Variants in IQCM observed in about 807,000 individuals in gnomAD.
IQCM encodes IQ domain-containing protein M.
A neutral mutation model predicts 57.6 loss-of-function variants in IQCM; 45 were observed. The observed-to-expected ratio is 0.78, with a 90% CI of 0.62 to 1.00. The LOEUF is 1.00. IQCM is among the 50% of genes least tolerant of loss of function. The pLI is 0.00. For missense variants in IQCM, 468 were observed against 511.6 expected (o/e 0.91, Z 0.82); for synonymous variants, 148 against 158.9 (o/e 0.93, Z 0.51).
chr4:149,607,603 T>G (rs1191165096), intron 8 of IQCM, among the ~76,000 whole-genome samples: 1 of 151,886 alleles, frequency 6.6e-6, no homozygotes, highest in Non-Finnish European at 1.5e-5. Flanking sequence ...ATATAAAAGA[T>G]AAATAGAGAT....
At chr4:149,368,015 A>G (rs926597968) in intron 13 of IQCM, among the ~76,000 whole-genome samples, 2 of 152,014 alleles carry the variant, frequency 1.3e-5, no homozygotes, top group Non-Finnish European at 2.9e-5. Flanking sequence ...TAAGTAGCTC[A>G]TTGTATCAAA....
intron 8 of IQCM, among the ~76,000 whole-genome samples, chr4:149,589,667 A>G (rs1395434108): frequency 6.6e-6 from 1 of 151,978 alleles, no homozygotes; most frequent in East Asian, 1.9e-4. Flanking sequence ...GAACACAACA[A>G]TAACCCGGAA....
intron 10 of IQCM, 75 bp downstream of exon 10, chr4:149,563,617 G>A (rs372215325): frequency 1.9e-5 from 19 of 981,908 alleles, no homozygotes; most frequent in East Asian, 3.3e-5. Context: ...TTGACCAGAT[G>A]ACTATTCAAA....
At chr4:149,671,029 T>G (rs1452464357) in intron 7 of IQCM, among the ~76,000 whole-genome samples, 1 of 152,082 alleles carries the variant, frequency 6.6e-6, no homozygotes, top group Non-Finnish European at 1.5e-5. Flanking sequence ...TTCCCTCTTT[T>G]TCTGTCGATT....
At position 149,660,248 on chromosome 4, in the gene IQCM, C is replaced by T. The variant is rs1295707992; in HGVS notation, c.565+21870G>A. On this transcript the variant is annotated intron_variant, in intron 7 of 13. Transcript: ENST00000636793. ...ATGAAAAAATGCTCACCATCACTGG[C>T]CATCAGAGAAATGCAAATCAAAACC... Among the ~76,000 whole-genome samples the T allele has an allele frequency of 4.0e-5, 6 of 151,818 alleles. No homozygotes were observed. The East Asian group carries it at 9.7e-4, about 24-fold the overall frequency.
intron 12 of IQCM, among the ~76,000 whole-genome samples, chr4:149,438,369 G>C (rs1483971013): frequency 2.0e-5 from 3 of 151,922 alleles, no homozygotes; most frequent in Non-Finnish European, 4.4e-5. Context: ...TCATTAAATT[G>C]CTAATGCATC....
chr4:149,439,510 T>G (rs1735694925), intron 12 of IQCM, among the ~76,000 whole-genome samples: 1 of 152,046 alleles, frequency 6.6e-6, no homozygotes, highest in African/African-American at 2.4e-5. Context: ...CCAATAGAAT[T>G]ATAAGGATTC....
At chr4:149,409,157 T>A (rs1733193761) in intron 13 of IQCM, among the ~76,000 whole-genome samples, 1 of 152,114 alleles carries the variant, frequency 6.6e-6, no homozygotes, top group African/African-American at 2.4e-5. Flanking sequence ...AATGATCCAG[T>A]GAGTGAGAAG....
chr4:149,393,579 A>C (rs921328335), intron 13 of IQCM, among the ~76,000 whole-genome samples: 1 of 152,004 alleles, frequency 6.6e-6, no homozygotes, highest in Non-Finnish European at 1.5e-5. Flanking sequence ...ATGGATACAC[A>C]TCTAAACACT....
chr4:149,564,202 A>G lies in IQCM; in HGVS notation c.750-312T>C, dbSNP rs78625319. On this transcript the variant is annotated intron_variant, in intron 9 of 13. Transcript: ENST00000636793. ...CATATGACACGGCAGTTTAGTTCAA[A>G]TAATTTTCCTGTCCCAGAAGCTATT... Among the ~76,000 whole-genome samples, 612 of 152,310 alleles carry G rather than the reference A, an allele frequency of 4.0e-3. 2 individuals carry two copies. The highest frequency in any genetic ancestry group is 0.014 in the African/African-American group (586 of 41,556).
rs1015721394 is a variant in IQCM, at chr4:149,673,509, A to G, written c.565+8609T>C. Among the ~76,000 whole-genome samples the G allele has an allele frequency of 4.6e-5, 7 of 152,284 alleles. No homozygotes were observed. In the East Asian group the frequency reaches 1.2e-3, roughly 25 times the overall value. The stretch of plus-strand genomic sequence containing the variant: ...TAAAACAGACTTTAAACCAACAAAA[A>G]TCAAAAGAGACAAAGAAGGCCATTA... On this transcript the variant is annotated intron_variant, in intron 7 of 13. Transcript: ENST00000636793.
At chr4:149,592,139 C>T (rs556068944) in intron 8 of IQCM, among the ~76,000 whole-genome samples, 3 of 152,088 alleles carry the variant, frequency 2.0e-5, no homozygotes, top group East Asian at 3.9e-4. Context: ...ATTTTAATGA[C>T]CGCCATTCTA....
At chr4:149,769,230 C>T (rs549748464) in intron 2 of IQCM, among the ~76,000 whole-genome samples, 1 of 151,878 alleles carries the variant, frequency 6.6e-6, no homozygotes, top group Non-Finnish European at 1.5e-5. Context: ...TCTTCCATAC[C>T]CATGAATTCA....
At chr4:149,712,709 G>A (rs1764664380) in intron 5 of IQCM, among the ~76,000 whole-genome samples, 1 of 152,084 alleles carries the variant, frequency 6.6e-6, no homozygotes, top group South Asian at 2.1e-4. Flanking sequence ...TGTTTTTCAG[G>A]AGTACTTAAT....
intron 7 of IQCM, among the ~76,000 whole-genome samples, chr4:149,641,443 ACTTT>A (rs1381521744): frequency 6.6e-6 from 1 of 152,202 alleles, no homozygotes; most frequent in Non-Finnish European, 1.5e-5. Flanking sequence ...GAAGAAAAAC[ACTTT>A]CATTCATATA....
chr4:149,699,886 C>T (rs138026091), intron 5 of IQCM, among the ~76,000 whole-genome samples: 1 of 151,994 alleles, frequency 6.6e-6, no homozygotes, highest in Non-Finnish European at 1.5e-5. Context: ...GCTTTCCCTC[C>T]CCTTCTGTCT....
At chr4:149,547,608 A>G (rs982757925) in intron 12 of IQCM, among the ~76,000 whole-genome samples, 4 of 152,088 alleles carry the variant, frequency 2.6e-5, no homozygotes, top group Admixed American at 2.6e-4. Context: ...TACTGTATTG[A>G]TTACCTGAAA....
chr4:149,471,694 C>G (rs147464946), intron 12 of IQCM, among the ~76,000 whole-genome samples: 1,573 of 152,224 alleles, frequency 0.01, 33 homozygotes, highest in African/African-American at 0.036. Context: ...ACCAATAACC[C>G]TGATGAACAT....
chr4:149,394,115 T>A (rs930533668), intron 13 of IQCM, among the ~76,000 whole-genome samples: 7 of 152,008 alleles, frequency 4.6e-5, no homozygotes, highest in Admixed American at 1.3e-4. Context: ...TTAAACATAA[T>A]GTCTTTTTAT....
Sources: allele counts gnomAD v4.1 joint callset (sites outside exome capture counted in the v4.1 genomes callset), GRCh38; gene constraint gnomAD v4.1.1; transcripts MANE v1.5; gene names NCBI Gene and HGNC (gene_info 2026-07-23, HGNC 2026-07-21).